DDX17: variants seen among roughly 807,000 people sequenced by gnomAD.
DDX17 encodes probable ATP-dependent RNA helicase DDX17.
A neutral mutation model predicts 80.8 loss-of-function variants in DDX17; 10 were observed. That is an observed-to-expected ratio of 0.12 (90% CI 0.08 to 0.21). DDX17 has a LOEUF of 0.21. Ranked by LOEUF, DDX17 falls within the 10% of genes least tolerant of loss-of-function variation. DDX17 has a pLI of 1.00. For synonymous variants in DDX17, 339 were observed against 336.2 expected, an observed-to-expected ratio of 1.01 and a Z score of -0.09; for missense variants, 586 against 957.4, an observed-to-expected ratio of 0.61 and a Z score of 5.12.
In DDX17 at chr22:38,506,187, C is replaced by T; in HGVS notation, c.51G>A (p.Pro17=). 1 of 1,603,780 alleles carries T rather than the reference C, an allele frequency of 6.2e-7. No individual in the cohort carries two copies. The highest frequency in any genetic ancestry group is 1.1e-5 in the South Asian group (1 of 89,626). ...ACGCCACCGTCGCCGCCTCTCTCGT[C>T]GGAGACGGGAGCAAAACACAGAGAA... The change falls in exon 1 of 13, where the codon CCG becomes CCA. Residue 17 remains proline (P), a synonymous_variant. Coordinates refer to ENST00000403230, the MANE Select transcript of DDX17 (RefSeq NM_006386.5).
intron 4 of DDX17, 72 bp from the exon 5 acceptor site, chr22:38,498,222 G>C: frequency 6.5e-7 from 1 of 1,527,554 alleles, no homozygotes; most frequent in Non-Finnish European, 9.0e-7. Context: ...AGTAATTACT[G>C]AATTAATGCA....
intron 1 of DDX17, 95 bp downstream of exon 1, chr22:38,505,856 G>C (rs984004922): frequency 7.6e-6 from 11 of 1,445,900 alleles, no homozygotes; most frequent in Non-Finnish European, 1.0e-5. Context: ...CCCGGGTCGA[G>C]AGCAAGGCTC....
Position 38,495,786 on chromosome 22 carries a change from A to T in DDX17, c.880+10T>A. ...TAAACTAACAATTCTTTTACACTAT[A>T]TATTATTACCTCTTTCCAAGTCTCG... On this transcript the variant is annotated intron_variant, in intron 6 of 12. Transcript: ENST00000403230. The T allele has an allele frequency of 1.9e-6, 3 of 1,579,868 alleles. No individual in the cohort carries two copies. The highest frequency in any genetic ancestry group is 1.7e-6 in the Non-Finnish European group (2 of 1,164,064).
intron 8 of DDX17, 142 bp from the exon 9 acceptor site, chr22:38,494,273 G>A (rs1413420294): frequency 3.2e-6 from 2 of 634,282 alleles, no homozygotes; most frequent in African/African-American, 3.7e-5. Flanking sequence ...AGAGTACTGA[G>A]TCAGGTTCTG....
At chr22:38,496,242 GT>G (rs1465041264) in intron 5 of DDX17, among the ~76,000 whole-genome samples, 9 of 152,022 alleles carry the variant, frequency 5.9e-5, no homozygotes, top group African/African-American at 2.2e-4. Context: ...GTATTACCTG[GT>G]TTTAAGTATA....
chr22:38,502,271 G>A (rs1054103393), intron 1 of DDX17, among the ~76,000 whole-genome samples: 1 of 152,158 alleles, frequency 6.6e-6, no homozygotes, highest in Non-Finnish European at 1.5e-5. Flanking sequence ...AGAGTAGCCA[G>A]GCGTGGTGGT....
intron 1 of DDX17, 92 bp from the exon 2 acceptor site, chr22:38,501,372 G>A (rs1293165480): frequency 1.4e-6 from 2 of 1,414,178 alleles, no homozygotes; most frequent in East Asian, 5.0e-5. Context: ...GGAGTTCTAG[G>A]GATACTACCA....
chr22:38,490,494 A>T, intron 11 of DDX17: 2 of 1,259,090 alleles, frequency 1.6e-6, no homozygotes, highest in South Asian at 1.3e-5. Context: ...TGTGTAGTTC[A>T]AACAAAAAAA....
At position 38,496,476 on chromosome 22, in the gene DDX17, A is replaced by G. The variant is rs1008920906; in HGVS notation, c.739-539T>C. Among the ~76,000 whole-genome samples, 4 of 152,296 alleles carry G rather than the reference A, an allele frequency of 2.6e-5. No individual in the cohort carries two copies. The East Asian group carries it at 7.7e-4, about 29-fold the overall frequency. On this transcript the variant is annotated intron_variant, in intron 5 of 12. Transcript: ENST00000403230. ...GATTCTCCTGCGCCTCAGCCTCCTG[A>G]GTAGCTGGGACTAGAGGCAGGCACC...
At chr22:38,503,014 T>C (rs1473976659) in intron 1 of DDX17, among the ~76,000 whole-genome samples, 1 of 152,170 alleles carries the variant, frequency 6.6e-6, no homozygotes, top group Non-Finnish European at 1.5e-5. Flanking sequence ...GGCAGGAGAT[T>C]TTATTGGGAT....
In DDX17 at chr22:38,486,370, G is replaced by T. The variant is rs756409730; in HGVS notation, c.1755C>A (p.Asp585Glu). 22 of 1,614,056 alleles carry T rather than the reference G, an allele frequency of 1.4e-5. No individual in the cohort carries two copies. The highest frequency in any genetic ancestry group is 1.8e-5 in the Non-Finnish European group (21 of 1,180,042). The stretch of plus-strand genomic sequence containing the variant: ...CATCCTTGACTCCTCGAAGCCTTCG[G>T]TCACACTCATCCTGATACATCAGAT... Residue 585 changes from aspartate to glutamate, a missense_variant, in exon 13 of 13, where the codon GAC becomes GAA. By Grantham distance (45) the Asp-to-Glu change is conservative. Around this residue, in one of 4 missense-constraint regions of DDX17, gnomAD observed 221 missense variants for 261.4 expected, o/e 0.85. Transcript: ENST00000403230.
chr22:38,503,090 G>A (rs1426379878), intron 1 of DDX17, among the ~76,000 whole-genome samples: 2 of 152,144 alleles, frequency 1.3e-5, no homozygotes, highest in Non-Finnish European at 2.9e-5. Flanking sequence ...CTGAGACAGT[G>A]AAGACAAATT....
intron 12 of DDX17, among the ~76,000 whole-genome samples, chr22:38,486,893 G>A (rs935512420): frequency 1.5e-4 from 22 of 148,640 alleles, no homozygotes; most frequent in Non-Finnish European, 2.6e-4. Context: ...AACCATGACC[G>A]GGGGCACACT....
intron 2 of DDX17, among the ~76,000 whole-genome samples, chr22:38,500,820 A>AAAAAAAAAAAC (rs2089820907): frequency 1.6e-5 from 1 of 61,428 alleles, no homozygotes; most frequent in Non-Finnish European, 3.8e-5. Context: ...TCCGTCTCAA[A>AAAAAAAAAAAC]AAAAAAAAAA....
At chr22:38,501,649 C>G (rs757350846) in intron 1 of DDX17, among the ~76,000 whole-genome samples, 2 of 152,150 alleles carry the variant, frequency 1.3e-5, no homozygotes, top group Non-Finnish European at 2.9e-5. Context: ...GTTTCCTATG[C>G]AAAGTAGAAA....
intron 11 of DDX17, chr22:38,488,952 T>G: frequency 1.0e-6 from 1 of 985,444 alleles, no homozygotes; most frequent in South Asian, 4.7e-5. Context: ...GGGAAAACCA[T>G]GAAACCTTGA....
chr22:38,486,569 C>A, intron 12 of DDX17, 129 bp from the exon 13 acceptor site: 1 of 1,311,038 alleles, frequency 7.6e-7, no homozygotes, highest in Non-Finnish European at 1.0e-6. Flanking sequence ...GCCAGCCTCC[C>A]AATTAGTACT....
chr22:38,501,745 A>C (rs532632859), intron 1 of DDX17, among the ~76,000 whole-genome samples: 1 of 152,362 alleles, frequency 6.6e-6, no homozygotes, highest in South Asian at 2.1e-4. Flanking sequence ...GCCAGCACTC[A>C]GTACAAGTTA....
chr22:38,504,432 T>C (rs1175907294), intron 1 of DDX17, among the ~76,000 whole-genome samples: 4 of 152,198 alleles, frequency 2.6e-5, no homozygotes, highest in Non-Finnish European at 5.9e-5. Context: ...CTCTAGGCAT[T>C]ACAGTCTAGG....
Sources: allele counts gnomAD v4.1 joint callset (sites outside exome capture counted in the v4.1 genomes callset), GRCh38; gene constraint gnomAD v4.1.1; regional missense constraint gnomAD v4.1.1; transcripts MANE v1.5; gene names NCBI Gene and HGNC (gene_info 2026-07-23, HGNC 2026-07-21).